Variants in PTCHD4 observed in about 807,000 individuals in gnomAD.
The protein encoded by PTCHD4 is patched domain-containing protein 4.
A neutral mutation model predicts 58.1 loss-of-function variants in PTCHD4; 33 were observed. That is an observed-to-expected ratio of 0.57 (90% CI 0.43 to 0.76). The LOEUF (loss-of-function observed/expected upper bound fraction) is 0.76, where lower values mean the gene tolerates loss of function less well. Ranked by LOEUF, PTCHD4 falls within the 30% of genes least tolerant of loss-of-function variation. The pLI is 0.00. For synonymous variants in PTCHD4, 478 were observed against 409.6 expected (o/e 1.17, Z -2.02); for missense variants, 1,058 against 1,027.1 (o/e 1.03, Z -0.41).
rs747198947 is a variant in PTCHD4, at chr6:47,879,759, T to G, written c.1076A>C (p.Glu359Ala). 6.2e-7 allele frequency: 1 copy of G among 1,613,642 alleles called. No individual in the cohort carries two copies. The change falls in exon 5 of 5, where the codon GAG (glutamate) becomes GCG (alanine). Residue 359 changes from glutamate to alanine, a missense_variant. Physicochemically the swap from Glu to Ala is moderately radical, Grantham distance 107. Coordinates refer to ENST00000339488, the MANE Select transcript of PTCHD4 (RefSeq NM_001384253.1). ...GMGASPFTNI[E>A]AVKVFCQNMC... is the part of the protein sequence containing the mutation. ...GTTTTGACAGAAGACCTTCACAGCC[T>G]CTATGTTTGTGAATGGGCTGGCACC...
intron 3 of PTCHD4, among the ~76,000 whole-genome samples, chr6:48,019,642 A>T: frequency 6.6e-6 from 1 of 151,948 alleles, no homozygotes; most frequent in East Asian, 1.9e-4. Flanking sequence ...AGGCTGAGGC[A>T]GGAGAATGGC....
chr6:48,090,615 T>C (rs1478795032), intron 1 of PTCHD4, among the ~76,000 whole-genome samples: 1 of 152,146 alleles, frequency 6.6e-6, no homozygotes, highest in Non-Finnish European at 1.5e-5. Context: ...AAAATAACTG[T>C]TTCACGAGAA....
At chr6:48,086,734 A>C (rs2113898404) in intron 1 of PTCHD4, among the ~76,000 whole-genome samples, 1 of 152,342 alleles carries the variant, frequency 6.6e-6, no homozygotes, top group East Asian at 1.9e-4. Context: ...AAAAAGACTC[A>C]GACTTATAAA....
intron 1 of PTCHD4, among the ~76,000 whole-genome samples, chr6:48,071,346 T>C (rs968051478): frequency 6.6e-6 from 1 of 152,216 alleles, no homozygotes; most frequent in Admixed American, 6.5e-5. Context: ...AATCATGTTG[T>C]AGAATTATAA....
chr6:48,008,917 C>T lies in PTCHD4; in HGVS notation c.615G>A (p.Glu205=). The change falls in exon 4 of 5, where the codon GAG becomes GAA. Residue 205 remains glutamate, a synonymous_variant. Coordinates refer to ENST00000339488, the MANE Select transcript of PTCHD4 (RefSeq NM_001384253.1). The part of the protein sequence containing the change: ...FCKLIRKLQE[E]HQELQLYSLA... Reference sequence around the variant, plus strand: ...AAGAGTAGAGCTGGAGTTCTTGATGCTCCTCCTGGAGCTTCCTTATAAGCT... The same window carrying T: ...AAGAGTAGAGCTGGAGTTCTTGATGTTCCTCCTGGAGCTTCCTTATAAGCT... 2 of 1,613,980 alleles carry T rather than the reference C, an allele frequency of 1.2e-6. No homozygotes were observed. The highest frequency in any genetic ancestry group is 1.7e-6 in the Non-Finnish European group (2 of 1,179,890).
Position 48,068,441 on chromosome 6 carries a change from C to T in PTCHD4, c.206G>A (p.Arg69His), listed in dbSNP as rs764551252. Reference sequence around the variant, plus strand: ...CAGGCTGTGGCTGGGAGCGACCAGGCGCTCCAGGTCGCCCTCGGGCTGGAA... The same window carrying T: ...CAGGCTGTGGCTGGGAGCGACCAGGTGCTCCAGGTCGCCCTCGGGCTGGAA... ...NRFQPEGDLERLVAPSHSLAK... is the reference protein window; with the variant it reads ...NRFQPEGDLEHLVAPSHSLAK... The change falls in exon 3 of 5, where the codon CGC becomes CAC. Residue 69 changes from arginine to histidine, a missense_variant. Arg to His is a conservative substitution (Grantham distance 29, BLOSUM62 0). Transcript: ENST00000339488. The surrounding 1 kb of genome is among the most constrained non-coding windows in gnomAD (Gnocchi z 4.2). 10 of 1,613,680 alleles carry T rather than the reference C, an allele frequency of 6.2e-6. No homozygotes were observed. The highest frequency in any genetic ancestry group is 3.3e-5 in the Admixed American group (2 of 59,978).
intron 4 of PTCHD4, among the ~76,000 whole-genome samples, chr6:47,992,924 A>G (rs989740521): frequency 2.0e-5 from 3 of 152,190 alleles, no homozygotes; most frequent in Admixed American, 6.5e-5. Flanking sequence ...CAGATACTCA[A>G]TGAGAAGGGA....
Position 48,077,274 on chromosome 6 carries a change from T to C in PTCHD4, c.-969-7348A>G, listed in dbSNP as rs528244868. On this transcript the variant is annotated intron_variant, in intron 1 of 4. Coordinates refer to ENST00000339488, the MANE Select transcript of PTCHD4 (RefSeq NM_001384253.1). ...TGATCAATGTGGCACCAGACATATC[T>C]GCTCCTTATAAGAGAGTCCGCCTGT... is the stretch of plus-strand genomic sequence containing the variant. Among the ~76,000 whole-genome samples the C allele has an allele frequency of 1.2e-4, 18 of 152,354 alleles. No homozygotes were observed. The South Asian group carries it at 3.5e-3, about 30-fold the overall frequency.
intron 4 of PTCHD4, among the ~76,000 whole-genome samples, chr6:47,895,113 C>T (rs956129530): frequency 7.3e-5 from 11 of 150,632 alleles, no homozygotes; most frequent in African/African-American, 2.2e-4. Context: ...CCAGCCTCGG[C>T]GACAGAGTGA....
chr6:48,036,362 G>A (rs1036032133), intron 3 of PTCHD4, among the ~76,000 whole-genome samples: 1 of 152,068 alleles, frequency 6.6e-6, no homozygotes. Flanking sequence ...TTCACATTGT[G>A]CAGTTTCAGT....
In PTCHD4 at chr6:48,061,591, A is replaced by G. The variant is rs544587411; in HGVS notation, c.417+6639T>C. On this transcript the variant is annotated intron_variant, in intron 3 of 4. Transcript: ENST00000339488. ...GGAGCTTGTTGAAATGCAGATTCTG[A>G]TCAGTAGGTCTTTTGTAAGACCTGA... Among the ~76,000 whole-genome samples the G allele has an allele frequency of 2.1e-4, 32 of 152,312 alleles. No homozygotes were observed. The South Asian group carries it at 5.6e-3, about 27-fold the overall frequency.
chr6:47,862,380 G>T lies in PTCHD4; in HGVS notation c.*15923C>A, dbSNP rs1419592242. ...CTTTCCCCCTTTTCCCTTCATTGAA[G>T]TTCTCCAAGAAATAACCTTCCTGAA... On this transcript the variant is annotated 3_prime_UTR_variant, in exon 5 of 5. Coordinates refer to ENST00000339488, the MANE Select transcript of PTCHD4 (RefSeq NM_001384253.1). 6.6e-6 allele frequency among the ~76,000 whole-genome samples: 1 copy of T among 151,446 alleles called. No individual in the cohort carries two copies. Among genetic ancestry groups the T allele is most frequent in the African/African-American group, 2.4e-5 (1 of 41,286 alleles).
chr6:48,048,561 G>A (rs1248997925), intron 3 of PTCHD4, among the ~76,000 whole-genome samples: 1 of 151,860 alleles, frequency 6.6e-6, no homozygotes, highest in Non-Finnish European at 1.5e-5. Context: ...TTCCCCTAAG[G>A]CTGTGGAGGA....
chr6:47,935,863 T>G (rs1292327897), intron 4 of PTCHD4, among the ~76,000 whole-genome samples: 7 of 151,886 alleles, frequency 4.6e-5, no homozygotes, highest in Non-Finnish European at 1.0e-4. Context: ...TGGAGAAAAA[T>G]AAAACTAATG....
At chr6:47,966,753 A>G (rs546330856) in intron 4 of PTCHD4, among the ~76,000 whole-genome samples, 9 of 152,276 alleles carry the variant, frequency 5.9e-5, no homozygotes, top group Middle Eastern at 3.4e-3. Flanking sequence ...TTGCTCATTC[A>G]TAAGAAGCAA....
At chr6:48,080,876 G>A (rs192829874) in intron 1 of PTCHD4, among the ~76,000 whole-genome samples, 3 of 152,120 alleles carry the variant, frequency 2.0e-5, no homozygotes, top group African/African-American at 4.8e-5. Flanking sequence ...CAGCTCTCCC[G>A]GTATTAATGG....
At chr6:47,894,993 G>A (rs1480768602) in intron 4 of PTCHD4, among the ~76,000 whole-genome samples, 4 of 152,128 alleles carry the variant, frequency 2.6e-5, no homozygotes, top group African/African-American at 9.7e-5. Context: ...AATTATCTGG[G>A]CATGGTGGTG....
chr6:47,995,796 A>G (rs1318630707), intron 4 of PTCHD4, among the ~76,000 whole-genome samples: 1 of 152,230 alleles, frequency 6.6e-6, no homozygotes, highest in Non-Finnish European at 1.5e-5. Context: ...ACCTCCAGGA[A>G]CACTTCAATA....
rs907194250 is a variant in PTCHD4 at position 47,860,159 on chromosome 6, T to A, written c.*18144A>T. Reference sequence around the variant, plus strand: ...GATTCTCTTAACTCTAAAGTATGAATCATGCAATCATTTCTTGTGCTTTAT... The same window carrying A: ...GATTCTCTTAACTCTAAAGTATGAAACATGCAATCATTTCTTGTGCTTTAT... On this transcript the variant is annotated 3_prime_UTR_variant, in exon 5 of 5. Transcript: ENST00000339488. Among the ~76,000 whole-genome samples the A allele has an allele frequency of 1.3e-5, 2 of 152,012 alleles. No homozygotes were observed. The highest frequency in any genetic ancestry group is 6.6e-5 in the Admixed American group (1 of 15,194).
Sources: gnomAD v4.1 joint callset for allele counts (sites outside exome capture counted in the v4.1 genomes callset) on GRCh38, gnomAD v4.1.1 for gene constraint, Gnocchi (gnomAD v3.1) non-coding constraint, MANE v1.5 for transcripts, NCBI Gene and HGNC (gene_info 2026-07-23, HGNC 2026-07-21) for gene names.